LZTS1: variants seen among roughly 807,000 people sequenced by gnomAD.
LZTS1 encodes leucine zipper putative tumor suppressor 1.
Under a neutral mutation model 45.8 loss-of-function variants are expected in LZTS1, and 31 were observed. The ratio of observed to expected loss-of-function variants is 0.68; its 90% CI spans 0.51 to 0.91. The LOEUF (loss-of-function observed/expected upper bound fraction) is 0.91, where lower values mean the gene tolerates loss of function less well. Ranked by LOEUF, LZTS1 falls within the 40% of genes least tolerant of loss-of-function variation. The pLI, the probability that LZTS1 is intolerant of heterozygous loss-of-function variation, is 0.00. For missense variants in LZTS1, 821 were observed against 788.9 expected, an observed-to-expected ratio of 1.04 and a Z score of -0.49; for synonymous variants, 359 against 357.3, an observed-to-expected ratio of 1.00 and a Z score of -0.05.
At chr8:20,254,374 T>C (rs1157200921) in intron 2 of LZTS1, among the ~76,000 whole-genome samples, 1 of 152,176 alleles carries the variant, frequency 6.6e-6, no homozygotes, top group Non-Finnish European at 1.5e-5. Flanking sequence ...AACAAGGAGC[T>C]AATGCACACC....
intron 1 of LZTS1, among the ~76,000 whole-genome samples, chr8:20,262,849 T>C (rs1800271199): frequency 6.6e-6 from 1 of 152,014 alleles, no homozygotes; most frequent in Non-Finnish European, 1.5e-5. Flanking sequence ...TTAAGAAACT[T>C]GGTTTGGGGG....
intron 1 of LZTS1, chr8:20,289,908 T>A (rs1563896695): frequency 6.6e-6 from 1 of 152,116 alleles, no homozygotes; most frequent in Non-Finnish European, 1.5e-5. Context: ...ATCCCACAGG[T>A]GGGAGGTTCC....
At chr8:20,301,149 G>C (rs959430742) in intron 1 of LZTS1, among the ~76,000 whole-genome samples, 2 of 148,860 alleles carry the variant, frequency 1.3e-5, no homozygotes, top group African/African-American at 5.0e-5. Context: ...AAAAAAAGTG[G>C]GAGCCAGTTA....
intron 3 of LZTS1, among the ~76,000 whole-genome samples, chr8:20,251,125 A>AT (rs1799890535): frequency 3.2e-5 from 1 of 31,012 alleles, no homozygotes; most frequent in Non-Finnish European, 6.1e-5. Context: ...ATATATATAT[A>AT]TATATATATA....
chr8:20,256,022 CCA>C (rs1462750202), intron 1 of LZTS1, among the ~76,000 whole-genome samples: 1 of 131,068 alleles, frequency 7.6e-6, no homozygotes, highest in Non-Finnish European at 1.5e-5. Context: ...CTGCAGTGAG[CCA>C]CAATTGTGCC....
chr8:20,250,039 TG>T lies in LZTS1; in HGVS notation c.1473del (p.Thr492ProfsTer48). ...AGGGCAGGGACGTCCTCGGGGAAGG[TG>T]GGCGGCCCCATGTCGCGGGCCAGGG... ...QAALARDMGP[P>X]TFPEDVPALQ... On this transcript the variant is annotated frameshift_variant, in exon 4 of 4. Transcript: ENST00000381569. LOFTEE classifies it high-confidence loss of function. 1 of 1,609,838 alleles carries T rather than the reference TG, an allele frequency of 6.2e-7. No homozygotes were observed. The highest frequency in any genetic ancestry group is 8.5e-7 in the Non-Finnish European group (1 of 1,179,080).
chr8:20,278,921 T>TGCCCTGG (rs1210172841), intron 1 of LZTS1, among the ~76,000 whole-genome samples: 1 of 152,244 alleles, frequency 6.6e-6, no homozygotes, highest in African/African-American at 2.4e-5. Context: ...AGTACATTCA[T>TGCCCTGG]GACCCTTTAT....
intron 1 of LZTS1, among the ~76,000 whole-genome samples, chr8:20,287,357 C>G (rs767727767): frequency 3.3e-5 from 5 of 152,272 alleles, no homozygotes; most frequent in Non-Finnish European, 7.3e-5. Context: ...CACATCTTTG[C>G]TGTCAGCACA....
At chr8:20,285,321 C>T (rs1306925760) in intron 1 of LZTS1, among the ~76,000 whole-genome samples, 1 of 152,202 alleles carries the variant, frequency 6.6e-6, no homozygotes, top group Admixed American at 6.5e-5. Flanking sequence ...TGACCTGCCT[C>T]AGTTCTTCCA....
chr8:20,300,482 G>A (rs893361270), intron 1 of LZTS1, among the ~76,000 whole-genome samples: 1 of 151,926 alleles, frequency 6.6e-6, no homozygotes, highest in African/African-American at 2.4e-5. Flanking sequence ...ACAGGTGCCC[G>A]CCACGACGCC....
chr8:20,265,008 C>T (rs181219359), intron 1 of LZTS1, among the ~76,000 whole-genome samples: 37 of 152,184 alleles, frequency 2.4e-4, no homozygotes, highest in Non-Finnish European at 1.9e-4. Context: ...GTTGGGCTCA[C>T]GGTGCTGCTT....
In LZTS1 at chr8:20,253,181, C is replaced by G. The variant is rs754767731; in HGVS notation, c.750G>C (p.Ser250=). ...GHSNKADKGP[S]CVRSPISTDE... ...CCGTGGAGATGGGGGAGCGGACACA[C>G]GAGGGGCCCTTGTCTGCCTTGTTCG... Residue 250 remains serine (S), a synonymous_variant, in exon 3 of 4, where the codon TCG becomes TCC. Transcript: ENST00000381569. The G allele has an allele frequency of 1.2e-6, 2 of 1,613,512 alleles. No individual in the cohort carries two copies. Among genetic ancestry groups the G allele is most frequent in the Non-Finnish European group, 1.7e-6 (2 of 1,180,028 alleles).
In LZTS1 at chr8:20,278,084, G is replaced by A. The variant is rs544554162; in HGVS notation, c.-134-22769C>T. Among the ~76,000 whole-genome samples, 5 of 152,260 alleles carry A rather than the reference G, an allele frequency of 3.3e-5. No homozygotes were observed. The East Asian group carries it at 9.7e-4, about 29-fold the overall frequency. On this transcript the variant is annotated intron_variant, in intron 1 of 3. Transcript: ENST00000381569. ...ATGTCAGGTGACCATCAGATGGTCAGGTGGTTGTTACAGTGTGTCGCTGAA... is the reference window on the plus strand; with the variant it reads ...ATGTCAGGTGACCATCAGATGGTCAAGTGGTTGTTACAGTGTGTCGCTGAA...
chr8:20,251,148 T>TATATATATATAA (rs1563851072), intron 3 of LZTS1, among the ~76,000 whole-genome samples: 4 of 101,478 alleles, frequency 3.9e-5, no homozygotes, highest in Non-Finnish European at 8.3e-5. Flanking sequence ...TATATATATA[T>TATATATATATAA]AAAATATAAA....
At chr8:20,286,412 A>G (rs1800792781) in intron 1 of LZTS1, among the ~76,000 whole-genome samples, 1 of 152,246 alleles carries the variant, frequency 6.6e-6, no homozygotes, top group Non-Finnish European at 1.5e-5. Flanking sequence ...ACTCACTGTG[A>G]GTACTGATTA....
At chr8:20,283,650 G>T (rs1306404253) in intron 1 of LZTS1, among the ~76,000 whole-genome samples, 1 of 152,138 alleles carries the variant, frequency 6.6e-6, no homozygotes, top group African/African-American at 2.4e-5. Flanking sequence ...TTGTTCTGGG[G>T]AGACAGATGG....
In LZTS1 at chr8:20,249,397, C is replaced by T. The variant is rs1799820238; in HGVS notation, c.*325G>A. The T allele has an allele frequency of 3.6e-6, 1 of 275,542 alleles. No homozygotes were observed. The highest frequency in any genetic ancestry group is 2.2e-5 in the African/African-American group (1 of 45,966). The allele number at this position is 275,542 out of a possible 1,614,324, so 17.1% of individuals were successfully genotyped here. A position where few individuals can be genotyped will look rare whatever the true frequency, so the allele number is the denominator to read the frequency against. On this transcript the variant is annotated 3_prime_UTR_variant, in exon 4 of 4. Transcript: ENST00000381569. Reference sequence around the variant, plus strand: ...CCGCTGTACTTGCTGTGGCCACCTTCCCTGGAGGAGGGGGAGAGGATATCT... The same window carrying T: ...CCGCTGTACTTGCTGTGGCCACCTTTCCTGGAGGAGGGGGAGAGGATATCT...
At position 20,249,612 on chromosome 8, in the gene LZTS1, C is replaced by A; in HGVS notation, c.*110G>T. On this transcript the variant is annotated 3_prime_UTR_variant, in exon 4 of 4. Coordinates refer to ENST00000381569, the MANE Select transcript of LZTS1 (RefSeq NM_021020.5). ...CCCTCGGGGGTCCTGGGTCTGTGTCCCAGGGAGTGGCGTCTCTCAGAGGGG... is the reference window on the plus strand; with the variant it reads ...CCCTCGGGGGTCCTGGGTCTGTGTCACAGGGAGTGGCGTCTCTCAGAGGGG... 7.3e-7 allele frequency: 1 copy of A among 1,374,974 alleles called. No homozygotes were observed. The highest frequency in any genetic ancestry group is 9.8e-7 in the Non-Finnish European group (1 of 1,022,602). 85.2% of individuals were successfully genotyped at this position (1,374,974 alleles called of 1,614,324 possible).
At chr8:20,261,257 A>G (rs1278764261) in intron 1 of LZTS1, among the ~76,000 whole-genome samples, 1 of 152,182 alleles carries the variant, frequency 6.6e-6, no homozygotes, top group Non-Finnish European at 1.5e-5. Context: ...GTGAGCTCCT[A>G]CAGAAGGAAT....
Sources: allele counts gnomAD v4.1 joint callset (sites outside exome capture counted in the v4.1 genomes callset), GRCh38; gene constraint gnomAD v4.1.1; transcripts MANE v1.5; gene names NCBI Gene and HGNC (gene_info 2026-07-23, HGNC 2026-07-21).